ASIC2: variants seen among roughly 807,000 people sequenced by gnomAD.
The protein encoded by ASIC2 is acid-sensing ion channel 2.
In ASIC2, 25 loss-of-function variants were observed where a neutral mutation model predicts 57.3. That is an observed-to-expected ratio of 0.44 (90% CI 0.32 to 0.61). The LOEUF (loss-of-function observed/expected upper bound fraction) is 0.61, where lower values mean the gene tolerates loss of function less well. ASIC2 is among the 20% of genes least tolerant of loss of function. The pLI is 0.06. For synonymous variants in ASIC2, 319 were observed against 307.5 expected (o/e 1.04, Z -0.39); for missense variants, 641 against 738.1 (o/e 0.87, Z 1.52).
chr17:33,138,344 C>G (rs375304883), intron 1 of ASIC2, among the ~76,000 whole-genome samples: 7 of 151,988 alleles, frequency 4.6e-5, no homozygotes, highest in Admixed American at 3.3e-4. Flanking sequence ...GCACAGGAAC[C>G]CTGAGGATTA....
At chr17:33,756,296 C>T (rs1910602840) in intron 1 of ASIC2, among the ~76,000 whole-genome samples, 1 of 152,228 alleles carries the variant, frequency 6.6e-6, no homozygotes, top group Non-Finnish European at 1.5e-5. Flanking sequence ...GCAGGACTTT[C>T]CAAACACCAG....
chr17:34,086,526 G>C (rs914474277), intron 1 of ASIC2, among the ~76,000 whole-genome samples: 1 of 152,034 alleles, frequency 6.6e-6, no homozygotes, highest in Non-Finnish European at 1.5e-5. Flanking sequence ...TTGATTTGGG[G>C]TGGAGAGTTC....
intron 1 of ASIC2, among the ~76,000 whole-genome samples, chr17:34,029,375 C>CA (rs60189628): frequency 0.23 from 24,922 of 110,262 alleles, 2,239 homozygotes; most frequent in Middle Eastern, 0.29. Flanking sequence ...GTGCTAAAAC[C>CA]AAAAAAAAAA....
intron 1 of ASIC2, among the ~76,000 whole-genome samples, chr17:33,976,355 C>T (rs1011097786): frequency 1.3e-5 from 2 of 152,078 alleles, no homozygotes; most frequent in African/African-American, 4.8e-5. Flanking sequence ...GCTGTACACT[C>T]AGGGACTTGT....
intron 1 of ASIC2, among the ~76,000 whole-genome samples, chr17:33,878,688 A>G (rs977473537): frequency 6.6e-6 from 1 of 152,230 alleles, no homozygotes; most frequent in African/African-American, 2.4e-5. Flanking sequence ...ACTCTGCAGG[A>G]TATTATCCAG....
At chr17:33,222,766 G>A (rs953144956) in intron 1 of ASIC2, among the ~76,000 whole-genome samples, 2 of 152,166 alleles carry the variant, frequency 1.3e-5, no homozygotes, top group Non-Finnish European at 2.9e-5. Flanking sequence ...TTAAAAGAGA[G>A]CATCTTGTGC....
chr17:33,846,277 A>T (rs1199808229), intron 1 of ASIC2, among the ~76,000 whole-genome samples: 1 of 152,192 alleles, frequency 6.6e-6, no homozygotes, highest in Non-Finnish European at 1.5e-5. Flanking sequence ...TTCAGCTGAC[A>T]GTAAACAACA....
At chr17:33,267,164 A>G (rs538067340) in intron 1 of ASIC2, among the ~76,000 whole-genome samples, 46 of 152,216 alleles carry the variant, frequency 3.0e-4, no homozygotes, top group Non-Finnish European at 5.9e-4. Flanking sequence ...TCATTAAACA[A>G]CCACTGACTG....
At chr17:33,744,400 A>T (rs1910199125) in intron 1 of ASIC2, among the ~76,000 whole-genome samples, 1 of 152,254 alleles carries the variant, frequency 6.6e-6, no homozygotes, top group East Asian at 1.9e-4. Flanking sequence ...TAACAGACAG[A>T]TTAGTAAACA....
intron 1 of ASIC2, among the ~76,000 whole-genome samples, chr17:34,122,373 G>C (rs1262200502): frequency 6.6e-6 from 1 of 152,226 alleles, no homozygotes; most frequent in Non-Finnish European, 1.5e-5. Flanking sequence ...ATGAATGAAG[G>C]AATGAGCCAA....
intron 1 of ASIC2, among the ~76,000 whole-genome samples, chr17:33,516,530 G>A (rs961270327): frequency 6.6e-6 from 1 of 152,130 alleles, no homozygotes; most frequent in East Asian, 1.9e-4. Context: ...TGAAAATGCC[G>A]ATATTCAGGC....
At chr17:33,625,519 T>C (rs2142023693) in intron 1 of ASIC2, among the ~76,000 whole-genome samples, 1 of 152,330 alleles carries the variant, frequency 6.6e-6, no homozygotes, top group South Asian at 2.1e-4. Context: ...CCATGAAAAC[T>C]GTGAGCTGAT....
intron 1 of ASIC2, among the ~76,000 whole-genome samples, chr17:33,325,725 G>C (rs1205765238): frequency 2.0e-5 from 3 of 152,138 alleles, no homozygotes; most frequent in African/African-American, 7.2e-5. Flanking sequence ...ATTGGTAGAA[G>C]ATCATGGCTA....
intron 1 of ASIC2, among the ~76,000 whole-genome samples, chr17:33,779,639 T>C (rs1039530703): frequency 2.0e-5 from 3 of 152,098 alleles, no homozygotes; most frequent in Non-Finnish European, 4.4e-5. Context: ...GGAGAAATAA[T>C]ATATGCAGAA....
intron 1 of ASIC2, among the ~76,000 whole-genome samples, chr17:34,099,130 G>C (rs75779132): frequency 1.1e-5 from 1 of 92,146 alleles, no homozygotes; most frequent in East Asian, 3.2e-4. Flanking sequence ...GAGAGAGAGA[G>C]AGAGAGAGAG....
At chr17:33,315,846 A>G (rs1906622727) in intron 1 of ASIC2, among the ~76,000 whole-genome samples, 1 of 152,214 alleles carries the variant, frequency 6.6e-6, no homozygotes, top group Non-Finnish European at 1.5e-5. Flanking sequence ...ACAGTGGAGT[A>G]CTGGCTTTGA....
At chr17:33,834,453 T>C (rs1180872759) in intron 1 of ASIC2, 1 of 152,208 alleles carries the variant, frequency 6.6e-6, no homozygotes, top group East Asian at 1.9e-4. Flanking sequence ...ATGGTTTCTG[T>C]AATAGATAGT....
At chr17:33,586,317 A>G (rs1904632185) in intron 1 of ASIC2, among the ~76,000 whole-genome samples, 1 of 152,118 alleles carries the variant, frequency 6.6e-6, no homozygotes, top group South Asian at 2.1e-4. Flanking sequence ...AGGGGGACCT[A>G]TTGTAACCTG....
At chr17:33,754,752 C>T (rs1478400839) in intron 1 of ASIC2, among the ~76,000 whole-genome samples, 5 of 151,798 alleles carry the variant, frequency 3.3e-5, no homozygotes, top group Non-Finnish European at 7.4e-5. Flanking sequence ...GTCAGGAGAT[C>T]GAGACCATCC....
Sources: gnomAD v4.1 joint callset for allele counts (sites outside exome capture counted in the v4.1 genomes callset) on GRCh38, gnomAD v4.1.1 for gene constraint, MANE v1.5 for transcripts, NCBI Gene and HGNC (gene_info 2026-07-23, HGNC 2026-07-21) for gene names.